Variants in ATE1 observed in about 807,000 individuals in gnomAD.
ATE1 encodes the protein arginyl-tRNA--protein transferase 1.
In ATE1, 36 loss-of-function variants were observed where a neutral mutation model predicts 70.5. That is an observed-to-expected ratio of 0.51 (90% CI 0.39 to 0.67). The LOEUF (loss-of-function observed/expected upper bound fraction) is 0.67. Among genes scored for constraint, ATE1 ranks in the 30% least tolerant of loss-of-function variants. The pLI is 0.00. For missense variants in ATE1, 593 were observed against 629.5 expected (o/e 0.94, Z 0.62); for synonymous variants, 232 against 219.3 (o/e 1.06, Z -0.51).
intron 10 of ATE1, among the ~76,000 whole-genome samples, chr10:121,792,945 A>G (rs1431242947): frequency 1.3e-5 from 2 of 152,252 alleles, no homozygotes; most frequent in African/African-American, 2.4e-5. Flanking sequence ...TACTTCCTCA[A>G]AATTATCTTC....
chr10:121,766,360 A>T (rs1169166046), intron 11 of ATE1, among the ~76,000 whole-genome samples: 1 of 152,178 alleles, frequency 6.6e-6, no homozygotes, highest in Non-Finnish European at 1.5e-5. Context: ...CTCCAGGAAG[A>T]TGAGGGAGAC....
At chr10:121,779,237 A>T (rs977755706) in intron 11 of ATE1, among the ~76,000 whole-genome samples, 1 of 152,120 alleles carries the variant, frequency 6.6e-6, no homozygotes, top group African/African-American at 2.4e-5. Flanking sequence ...TTTCCCTGCA[A>T]TGGCCTGGTA....
chr10:121,899,832 G>C, intron 7 of ATE1, 34 bp downstream of exon 7: 1 of 1,600,410 alleles, frequency 6.2e-7, no homozygotes, highest in Non-Finnish European at 8.5e-7. Flanking sequence ...GGAAAGCTCT[G>C]TTTGCACAGG....
intron 11 of ATE1, among the ~76,000 whole-genome samples, chr10:121,781,217 C>T (rs1482311247): frequency 6.6e-6 from 1 of 152,016 alleles, no homozygotes; most frequent in African/African-American, 2.4e-5. Context: ...CACTGCCTTT[C>T]ATCCCCTTAG....
chr10:121,903,554 G>A (rs1341409416), intron 5 of ATE1, among the ~76,000 whole-genome samples: 1 of 152,024 alleles, frequency 6.6e-6, no homozygotes, highest in Non-Finnish European at 1.5e-5. Flanking sequence ...AGGTGTGGTA[G>A]CACACACCTG....
At chr10:121,819,548 C>T (rs4478919) in intron 10 of ATE1, among the ~76,000 whole-genome samples, 1 of 151,546 alleles carries the variant, frequency 6.6e-6, no homozygotes, top group Non-Finnish European at 1.5e-5. Context: ...ACTAAAAATA[C>T]AAAATAAAAT....
chr10:121,819,950 AG>A (rs1947727248), intron 10 of ATE1, among the ~76,000 whole-genome samples: 1 of 152,000 alleles, frequency 6.6e-6, no homozygotes, highest in South Asian at 2.1e-4. Context: ...GTTCGAGACC[AG>A]CCTGGCCAAC....
At chr10:121,918,275 G>A (rs925088382) in intron 3 of ATE1, among the ~76,000 whole-genome samples, 1 of 151,624 alleles carries the variant, frequency 6.6e-6, no homozygotes, top group African/African-American at 2.4e-5. Context: ...GGAGGTTTCA[G>A]TGAGCAGAGA....
intron 8 of ATE1, among the ~76,000 whole-genome samples, chr10:121,844,455 T>G (rs985430284): frequency 7.9e-5 from 12 of 152,108 alleles, no homozygotes; most frequent in Admixed American, 2.6e-4. Flanking sequence ...CAAATGCTGG[T>G]AAGGATGCAG....
chr10:121,825,610 A>C (rs763653703), intron 10 of ATE1, among the ~76,000 whole-genome samples: 12 of 152,226 alleles, frequency 7.9e-5, no homozygotes, highest in Non-Finnish European at 1.5e-4. Flanking sequence ...TCTTAGGAAG[A>C]GACACAAACC....
intron 8 of ATE1, among the ~76,000 whole-genome samples, chr10:121,861,959 T>G (rs1363509556): frequency 6.6e-6 from 1 of 152,126 alleles, no homozygotes; most frequent in Non-Finnish European, 1.5e-5. Flanking sequence ...GTGCCAATTA[T>G]TCTCTGAAGA....
chr10:121,754,217 C>T (rs931344315), intron 11 of ATE1, among the ~76,000 whole-genome samples: 2 of 152,110 alleles, frequency 1.3e-5, no homozygotes, highest in South Asian at 4.1e-4. Flanking sequence ...CAATGAAACC[C>T]CGGTAGCAAT....
intron 7 of ATE1, among the ~76,000 whole-genome samples, chr10:121,892,037 T>C (rs1431907695): frequency 6.6e-6 from 1 of 152,120 alleles, no homozygotes; most frequent in African/African-American, 2.4e-5. Context: ...AAAACTGTAG[T>C]CATGTACAGG....
chr10:121,770,128 G>A (rs549277907), intron 11 of ATE1, among the ~76,000 whole-genome samples: 1 of 152,032 alleles, frequency 6.6e-6, no homozygotes, highest in East Asian at 1.9e-4. Flanking sequence ...ATGGTTAAAT[G>A]GCTAAACGAA....
chr10:121,898,864 G>C, intron 7 of ATE1: 1 of 1,613,836 alleles, frequency 6.2e-7, no homozygotes, highest in South Asian at 1.1e-5. Context: ...CATTCATCGG[G>C]TGGATCCTGG....
intron 10 of ATE1, among the ~76,000 whole-genome samples, chr10:121,817,417 T>C (rs1019239370): frequency 1.3e-5 from 2 of 152,046 alleles, no homozygotes; most frequent in African/African-American, 4.8e-5. Context: ...CGGGCGCCTG[T>C]AGTCCCAGCT....
At chr10:121,862,459 T>C (rs1349633894) in intron 8 of ATE1, among the ~76,000 whole-genome samples, 1 of 151,934 alleles carries the variant, frequency 6.6e-6, no homozygotes, top group Non-Finnish European at 1.5e-5. Flanking sequence ...TGGGCTCAGG[T>C]GATCCTCCTA....
At chr10:121,788,900 C>T (rs570786352) in intron 11 of ATE1, among the ~76,000 whole-genome samples, 42 of 152,304 alleles carry the variant, frequency 2.8e-4, no homozygotes, top group African/African-American at 8.4e-4. Flanking sequence ...TACAAAGCCA[C>T]GGCTAAATGC....
At chr10:121,901,865 T>C (rs951149695) in intron 6 of ATE1, among the ~76,000 whole-genome samples, 12 of 152,230 alleles carry the variant, frequency 7.9e-5, no homozygotes, top group African/African-American at 2.7e-4. Context: ...AAAGTATTCA[T>C]ATTATGCCCA....
Sources: gnomAD v4.1 joint callset for allele counts (sites outside exome capture counted in the v4.1 genomes callset) on GRCh38, gnomAD v4.1.1 for gene constraint, MANE v1.5 for transcripts, NCBI Gene and HGNC (gene_info 2026-07-23, HGNC 2026-07-21) for gene names.